The following CYTIP variants were observed in gnomAD, a reference collection of about 807,000 sequenced individuals.
CYTIP encodes the protein cytohesin 1 interacting protein.
Under a neutral mutation model 43.8 loss-of-function variants are expected in CYTIP, and 26 were observed. That is an observed-to-expected ratio of 0.59 (90% CI 0.44 to 0.82). CYTIP has a LOEUF of 0.82. Ranked by LOEUF, CYTIP falls within the 40% of genes least tolerant of loss-of-function variation. The pLI is 0.00. For synonymous variants in CYTIP, 162 were observed against 162.9 expected (o/e 0.99, Z 0.04); for missense variants, 426 against 443.1 (o/e 0.96, Z 0.35).
chr2:157,427,872 C>T (rs1236034063), intron 5 of CYTIP, among the ~76,000 whole-genome samples: 2 of 152,190 alleles, frequency 1.3e-5, no homozygotes, highest in Non-Finnish European at 2.9e-5. Flanking sequence ...GGGGCTTTCA[C>T]AACCATGGAA....
chr2:157,434,601 G>T, intron 2 of CYTIP, 97 bp downstream of exon 2: 1 of 924,260 alleles, frequency 1.1e-6, no homozygotes, highest in Non-Finnish European at 1.7e-6. Flanking sequence ...TGCGTAGAGA[G>T]AGAGAGAGAG....
chr2:157,429,351 C>T (rs1685662437), intron 5 of CYTIP, among the ~76,000 whole-genome samples: 1 of 152,118 alleles, frequency 6.6e-6, no homozygotes, highest in Non-Finnish European at 1.5e-5. Context: ...TAGATCTCAA[C>T]TCAAATATCG....
chr2:157,437,867 T>C (rs1685837725), intron 1 of CYTIP, among the ~76,000 whole-genome samples: 1 of 151,884 alleles, frequency 6.6e-6, no homozygotes, highest in South Asian at 2.1e-4. Context: ...AAAATGACAA[T>C]AAATAATAAA....
At chr2:157,419,943 T>C (rs1214296216) in intron 6 of CYTIP, among the ~76,000 whole-genome samples, 2 of 152,270 alleles carry the variant, frequency 1.3e-5, no homozygotes. Flanking sequence ...GCAACCCTTA[T>C]GGTTGCCAAT....
Position 157,415,067 on chromosome 2 carries a change from A to G in CYTIP, c.*610T>C, listed in dbSNP as rs1287559750. 6.6e-6 allele frequency: 1 copy of G among 152,610 alleles called. No individual in the cohort carries two copies. Among genetic ancestry groups the G allele is most frequent in the Non-Finnish European group, 1.5e-5 (1 of 68,340 alleles). The allele number at this position is 152,610 out of a possible 1,614,324, so 9.5% of individuals were successfully genotyped here. A position where few individuals can be genotyped will look rare whatever the true frequency, so the allele number is the denominator to read the frequency against. On this transcript the variant is annotated 3_prime_UTR_variant, in exon 8 of 8. Transcript: ENST00000264192. The stretch of plus-strand genomic sequence containing the variant: ...CTTTATTATGATCTTTGCAGCACCC[A>G]TCTCAGACCACATCTTTCCATGGTT...
At chr2:157,439,454 C>G (rs1558942219) in intron 1 of CYTIP, 1 of 150,168 alleles carries the variant, frequency 6.7e-6, no homozygotes, top group Admixed American at 6.6e-5. Context: ...GGGTTTTGCA[C>G]TTTGAAAAAA....
chr2:157,436,815 G>A (rs1029821010), intron 1 of CYTIP, among the ~76,000 whole-genome samples: 2 of 152,092 alleles, frequency 1.3e-5, no homozygotes, highest in Admixed American at 6.5e-5. Context: ...AACTGAGATG[G>A]TTGAAGAGCC....
rs760586360 is a variant in CYTIP at position 157,443,916 on chromosome 2, C to T, written c.105G>A (p.Thr35=). 18 of 1,614,042 alleles carry T rather than the reference C, an allele frequency of 1.1e-5. No homozygotes were observed. The Middle Eastern group carries it at 6.6e-4, about 59-fold the overall frequency. The change falls in exon 1 of 8, where the codon ACG becomes ACA. Residue 35 remains threonine, a synonymous_variant. Coordinates refer to ENST00000264192, the MANE Select transcript of CYTIP (RefSeq NM_004288.5). ...TTTGAATCCTTCTATTATCGTCCATCGTAAGGCTGCCGGTGAGTGTGGAGT... is the reference window on the plus strand; with the variant it reads ...TTTGAATCCTTCTATTATCGTCCATTGTAAGGCTGCCGGTGAGTGTGGAGT... ...SSYSTLTGSL[T]MDDNRRIQML... is the part of the protein sequence containing the mutation.
intron 1 of CYTIP, among the ~76,000 whole-genome samples, chr2:157,436,703 T>C (rs1685810993): frequency 6.6e-6 from 1 of 152,174 alleles, no homozygotes; most frequent in Admixed American, 6.5e-5. Flanking sequence ...TTATTTGTTT[T>C]ACTTTCTGCC....
chr2:157,427,326 G>A, intron 6 of CYTIP, 25 bp downstream of exon 6: 1 of 1,577,950 alleles, frequency 6.3e-7, no homozygotes, highest in Non-Finnish European at 8.6e-7. Context: ...TGAAAAATGT[G>A]CCTCACTGCA....
rs2105140349 is a variant in CYTIP at position 157,430,251 on chromosome 2, G to A, written c.476+308C>T. The stretch of plus-strand genomic sequence containing the variant: ...ATGAAAATTGGATCAGTTCTTCCCA[G>A]TTTAAAGAGAATGTGTGCCAGTTTA... On this transcript the variant is annotated intron_variant, in intron 5 of 7. Coordinates refer to ENST00000264192, the MANE Select transcript of CYTIP (RefSeq NM_004288.5). Among the ~76,000 whole-genome samples, 4 of 152,198 alleles carry A rather than the reference G, an allele frequency of 2.6e-5. 1 individual carries two copies. In the Middle Eastern group the frequency reaches 0.01, roughly 388 times the overall value.
intron 6 of CYTIP, among the ~76,000 whole-genome samples, chr2:157,425,424 AT>A: frequency 6.6e-6 from 1 of 152,292 alleles, no homozygotes; most frequent in African/African-American, 2.4e-5. Context: ...AAAAATCTGT[AT>A]TTTGTACTTT....
At chr2:157,416,526 G>A (rs1270986729) in intron 7 of CYTIP, among the ~76,000 whole-genome samples, 1 of 152,094 alleles carries the variant, frequency 6.6e-6, no homozygotes, top group Non-Finnish European at 1.5e-5. Flanking sequence ...TCACAGAAAT[G>A]GGGTTCCATA....
At chr2:157,418,756 G>T (rs1466355730) in intron 6 of CYTIP, among the ~76,000 whole-genome samples, 167 bp from the exon 7 acceptor site, 1 of 151,910 alleles carries the variant, frequency 6.6e-6, no homozygotes, top group African/African-American at 2.4e-5. Context: ...ATAAAAGGAG[G>T]ATATTGAGAA....
At chr2:157,436,657 A>G (rs1242255068) in intron 1 of CYTIP, among the ~76,000 whole-genome samples, 2 of 152,072 alleles carry the variant, frequency 1.3e-5, no homozygotes, top group Non-Finnish European at 2.9e-5. Context: ...ACATCTGTAC[A>G]TAATCATCTG....
In CYTIP at chr2:157,443,953, G is replaced by A. The variant is rs371636217; in HGVS notation, c.68C>T (p.Ala23Val). The A allele has an allele frequency of 9.9e-6, 16 of 1,613,976 alleles. No homozygotes were observed. The highest frequency in any genetic ancestry group is 2.2e-5 in the East Asian group (1 of 44,894). ...GGTGAGTGTGGAGTAAGAGCTATAC[G>A]CTGGCCCAGCGCAGAAGTCCGCCAA... is the stretch of plus-strand genomic sequence containing the variant. ...GNLADFCAGP[A>V]YSSYSTLTGS... The change falls in exon 1 of 8, where the codon GCG (alanine) becomes GTG (valine). Residue 23 changes from alanine (A) to valine (V), a missense_variant. By Grantham distance (64) the Ala-to-Val change is moderately conservative. Coordinates refer to ENST00000264192, the MANE Select transcript of CYTIP (RefSeq NM_004288.5).
chr2:157,415,345 C>T lies in CYTIP; in HGVS notation c.*332G>A. ...GCCACACCTTTATTCATACTTGACTCCAAAAAGTTCTCAATTATTCACAGG... is the reference window on the plus strand; with the variant it reads ...GCCACACCTTTATTCATACTTGACTTCAAAAAGTTCTCAATTATTCACAGG... On this transcript the variant is annotated 3_prime_UTR_variant, in exon 8 of 8. Transcript: ENST00000264192. 1 of 210,902 alleles carries T rather than the reference C, an allele frequency of 4.7e-6. No homozygotes were observed. Among genetic ancestry groups the T allele is most frequent in the Non-Finnish European group, 9.7e-6 (1 of 102,840 alleles). 13.1% of individuals were successfully genotyped at this position (210,902 alleles called of 1,614,324 possible). A position where few individuals can be genotyped will look rare whatever the true frequency, so the allele number is the denominator to read the frequency against.
chr2:157,430,739 T>C, intron 4 of CYTIP, 87 bp from the exon 5 acceptor site: 1 of 1,476,846 alleles, frequency 6.8e-7, no homozygotes, highest in Non-Finnish European at 9.4e-7. Flanking sequence ...GCTCCAAGTC[T>C]TAAAAACATA....
intron 5 of CYTIP, among the ~76,000 whole-genome samples, chr2:157,428,843 C>G (rs1261578462): frequency 6.6e-6 from 1 of 152,170 alleles, no homozygotes; most frequent in Admixed American, 6.5e-5. Context: ...CACAAACACC[C>G]AAAGCATCCT....
Sources: gnomAD v4.1 joint callset for allele counts (sites outside exome capture counted in the v4.1 genomes callset) on GRCh38, gnomAD v4.1.1 for gene constraint, MANE v1.5 for transcripts, NCBI Gene and HGNC (gene_info 2026-07-23, HGNC 2026-07-21) for gene names.